Variants in STPG2 observed in about 807,000 individuals in gnomAD.
The protein encoded by STPG2 is sperm tail PG-rich repeat containing 2, also known as sperm-tail PG-rich repeat-containing protein 2.
In STPG2, 56 loss-of-function variants were observed where a neutral mutation model predicts 54.2. The observed-to-expected ratio is 1.03, with a 90% CI of 0.83 to 1.29. The LOEUF (loss-of-function observed/expected upper bound fraction) is 1.29, where lower values mean the gene tolerates loss of function less well. Among genes scored for constraint, STPG2 ranks in the 50% most tolerant of loss-of-function variants. The probability of loss-of-function intolerance (pLI) is 0.00; values close to 1 mark genes in which losing one functional copy is unlikely to be tolerated. For synonymous variants in STPG2, 200 were observed against 181.8 expected (o/e 1.10, Z -0.81); for missense variants, 596 against 544.9 (o/e 1.09, Z -0.93).
rs534850330 is a variant in STPG2, at chr4:97,823,520, G to A, written c.1204+17253C>T. Among the ~76,000 whole-genome samples, 266 of 152,274 alleles carry A rather than the reference G, an allele frequency of 1.7e-3. 2 individuals are homozygous for A. Among genetic ancestry groups the A allele is most frequent in the African/African-American group, 6.0e-3 (248 of 41,556 alleles). ...TTCAAAGTATTACTACTCATTGACA[G>A]CTGTTCTGCCTATGGAGTAGCCATT... On this transcript the variant is annotated intron_variant, in intron 9 of 10. Coordinates refer to ENST00000295268, the MANE Select transcript of STPG2 (RefSeq NM_174952.3).
At chr4:97,778,899 A>G (rs569149797) in intron 9 of STPG2, among the ~76,000 whole-genome samples, 2 of 152,354 alleles carry the variant, frequency 1.3e-5, no homozygotes, top group South Asian at 4.1e-4. Context: ...ACTAACAAAC[A>G]GAAAGGACAT....
At chr4:97,681,117 T>G (rs1723020123) in intron 10 of STPG2, among the ~76,000 whole-genome samples, 1 of 151,988 alleles carries the variant, frequency 6.6e-6, no homozygotes, top group South Asian at 2.1e-4. Context: ...TTATTAAAAC[T>G]GAATTTCCTG....
intron 10 of STPG2, among the ~76,000 whole-genome samples, chr4:97,634,039 G>C (rs997187460): frequency 6.6e-6 from 1 of 152,186 alleles, no homozygotes; most frequent in Non-Finnish European, 1.5e-5. Flanking sequence ...TCTGGGGGCA[G>C]GGCACAGACA....
chr4:97,748,498 G>C (rs958623696), intron 9 of STPG2, among the ~76,000 whole-genome samples: 2 of 151,480 alleles, frequency 1.3e-5, no homozygotes, highest in Non-Finnish European at 3.0e-5. Flanking sequence ...AAAAATTTCT[G>C]ATTATAAAAG....
chr4:97,597,234 A>C (rs1249519177), intron 10 of STPG2, among the ~76,000 whole-genome samples: 1 of 152,180 alleles, frequency 6.6e-6, no homozygotes, highest in East Asian at 1.9e-4. Flanking sequence ...TGAACAGACC[A>C]ATAATGAGTT....
chr4:97,703,390 G>GATAT (rs373048970), intron 10 of STPG2, among the ~76,000 whole-genome samples: 1 of 140,170 alleles, frequency 7.1e-6, no homozygotes, highest in Non-Finnish European at 1.5e-5. Flanking sequence ...GAACTAATAG[G>GATAT]ATATATATAT....
At chr4:97,854,500 T>G (rs1413537897) in intron 8 of STPG2, among the ~76,000 whole-genome samples, 1 of 148,464 alleles carries the variant, frequency 6.7e-6, no homozygotes. Flanking sequence ...ATTTATATAT[T>G]ATTTATAATT....
At chr4:97,703,922 C>T (rs1370754425) in intron 10 of STPG2, among the ~76,000 whole-genome samples, 3 of 151,428 alleles carry the variant, frequency 2.0e-5, no homozygotes, top group Non-Finnish European at 4.4e-5. Flanking sequence ...CAGTCTGAGT[C>T]CCAAAACTGA....
intron 8 of STPG2, among the ~76,000 whole-genome samples, chr4:97,904,178 C>A (rs1338794700): frequency 6.6e-6 from 1 of 152,222 alleles, no homozygotes; most frequent in Non-Finnish European, 1.5e-5. Flanking sequence ...CAGCAGTAAC[C>A]TCTGCAGACT....
intron 8 of STPG2, among the ~76,000 whole-genome samples, chr4:97,876,987 A>G (rs1730199204): frequency 6.6e-6 from 1 of 152,102 alleles, no homozygotes; most frequent in Non-Finnish European, 1.5e-5. Flanking sequence ...ATAATTATGT[A>G]TATTTATGGG....
intron 5 of STPG2, among the ~76,000 whole-genome samples, chr4:98,034,933 A>C (rs1409385635): frequency 1.3e-5 from 2 of 152,196 alleles, no homozygotes; most frequent in African/African-American, 2.4e-5. Context: ...CTTACACCTT[A>C]TACAAAAATT....
At chr4:98,079,298 A>G (rs966859378) in intron 5 of STPG2, among the ~76,000 whole-genome samples, 2 of 152,354 alleles carry the variant, frequency 1.3e-5, no homozygotes, top group South Asian at 2.1e-4. Flanking sequence ...ATGACTTTGC[A>G]TGTCCTCCAG....
intron 9 of STPG2, among the ~76,000 whole-genome samples, chr4:97,778,680 C>T (rs998591844): frequency 6.6e-6 from 1 of 152,202 alleles, no homozygotes; most frequent in Non-Finnish European, 1.5e-5. Flanking sequence ...GGAGGCACCC[C>T]CAGTAGGCGC....
intron 4 of STPG2, among the ~76,000 whole-genome samples, chr4:97,522,364 T>G (rs1024852320): frequency 1.3e-5 from 2 of 152,052 alleles, no homozygotes; most frequent in South Asian, 2.1e-4. Context: ...ATTACTACTT[T>G]TCTTGTAGTG....
At chr4:97,632,480 C>T (rs1037872111) in intron 10 of STPG2, among the ~76,000 whole-genome samples, 1 of 151,896 alleles carries the variant, frequency 6.6e-6, no homozygotes, top group African/African-American at 2.4e-5. Context: ...AATTCTAATA[C>T]CTAATAATGA....
intron 8 of STPG2, among the ~76,000 whole-genome samples, chr4:97,843,255 T>C (rs1728855102): frequency 6.6e-6 from 1 of 151,730 alleles, no homozygotes; most frequent in Non-Finnish European, 1.5e-5. Flanking sequence ...ATTTGGGAAA[T>C]TCCACATTAT....
intron 10 of STPG2, among the ~76,000 whole-genome samples, chr4:97,611,315 A>G (rs554054555): frequency 5.3e-5 from 8 of 151,896 alleles, no homozygotes; most frequent in African/African-American, 1.7e-4. Context: ...ACAGATTCAG[A>G]GCACAGAAAA....
chr4:97,863,025 C>A (rs952879709), intron 8 of STPG2, among the ~76,000 whole-genome samples: 24 of 152,032 alleles, frequency 1.6e-4, no homozygotes, highest in Non-Finnish European at 2.8e-4. Context: ...CCTAACATCA[C>A]AATTAAAAGA....
At chr4:97,728,920 A>G (rs944713451) in intron 9 of STPG2, among the ~76,000 whole-genome samples, 4 of 151,908 alleles carry the variant, frequency 2.6e-5, no homozygotes, top group African/African-American at 9.7e-5. Context: ...TGTGTGAGAG[A>G]AAGAGAGAGA....
Sources: gnomAD v4.1 joint callset for allele counts (sites outside exome capture counted in the v4.1 genomes callset) on GRCh38, gnomAD v4.1.1 for gene constraint, MANE v1.5 for transcripts, NCBI Gene and HGNC (gene_info 2026-07-23, HGNC 2026-07-21) for gene names.